Variants in SH3BGR observed in about 807,000 individuals in gnomAD.
The protein encoded by SH3BGR is SH3 domain-binding glutamic acid-rich protein.
Under a neutral mutation model 24.5 loss-of-function variants are expected in SH3BGR, and 29 were observed. The observed-to-expected ratio is 1.18, with a 90% confidence interval of 0.88 to 1.61. The LOEUF (loss-of-function observed/expected upper bound fraction) is 1.61. Ranked by LOEUF, SH3BGR falls within the 40% of genes most tolerant of loss-of-function variation. SH3BGR has a pLI of 0.00. For missense variants in SH3BGR, 162 were observed against 205.8 expected (o/e 0.79, Z 1.30); for synonymous variants, 55 against 65.7 (o/e 0.84, Z 0.79).
In SH3BGR at chr21:39,479,224, GGGTGGTGGTGGT is replaced by G. The variant is rs973677506; in HGVS notation, c.312+4032_312+4043del. On this transcript the variant is annotated intron_variant, in intron 3 of 6. Coordinates refer to ENST00000333634, the MANE Select transcript of SH3BGR (RefSeq NM_007341.3). ...GTGGTGGTGGTGGTGGAGGTGGTAA[GGGTGGTGGTGGT>G]GGTGGTGGTGGTGGTGGTGGTGATG... is the stretch of plus-strand genomic sequence containing the variant. Among the ~76,000 whole-genome samples, 493 of 137,684 alleles carry G rather than the reference GGGTGGTGGTGGT, an allele frequency of 3.6e-3. 5 individuals carry two copies. Among genetic ancestry groups the G allele is most frequent in the African/African-American group, 0.015 (455 of 30,790 alleles). 90.3% of individuals were successfully genotyped at this position (137,684 alleles called of 152,430 possible).
intron 2 of SH3BGR, among the ~76,000 whole-genome samples, chr21:39,473,542 G>A (rs2077976079): frequency 6.6e-6 from 1 of 152,100 alleles, no homozygotes; most frequent in Admixed American, 6.5e-5. Context: ...ATTAATCACT[G>A]AGAGACTTGA....
intron 1 of SH3BGR, among the ~76,000 whole-genome samples, chr21:39,458,845 C>G (rs1217772805): frequency 6.6e-6 from 1 of 151,946 alleles, no homozygotes; most frequent in Non-Finnish European, 1.5e-5. Flanking sequence ...CGAGGTTTTA[C>G]CATGTTGGCC....
At chr21:39,496,297 G>A (rs911164700) in intron 3 of SH3BGR, among the ~76,000 whole-genome samples, 2 of 151,832 alleles carry the variant, frequency 1.3e-5, no homozygotes, top group Admixed American at 6.6e-5. Flanking sequence ...TCAGGAGATC[G>A]AGACCATCCT....
chr21:39,511,629 A>T lies in SH3BGR; in HGVS notation c.436-51A>T. ...CATTTTACAGTCTTTTTCTCACTGT[A>T]TCCTTGGCCCTTATGCTTCTTAATA... On this transcript the variant is annotated intron_variant, in intron 5 of 6. Coordinates refer to ENST00000333634, the MANE Select transcript of SH3BGR (RefSeq NM_007341.3). The surrounding 1 kb of genome is among the most constrained non-coding windows in gnomAD (Gnocchi z 4.2). 1 of 1,584,026 alleles carries T rather than the reference A, an allele frequency of 6.3e-7. No homozygotes were observed. The highest frequency in any genetic ancestry group is 1.1e-5 in the South Asian group (1 of 87,250).
At chr21:39,487,384 C>T (rs998067490) in intron 3 of SH3BGR, among the ~76,000 whole-genome samples, 1 of 152,138 alleles carries the variant, frequency 6.6e-6, no homozygotes, top group African/African-American at 2.4e-5. Flanking sequence ...CTCAAGTGAT[C>T]CTCCCACCCC....
intron 1 of SH3BGR, among the ~76,000 whole-genome samples, chr21:39,458,504 ATTT>A (rs1214278072): frequency 6.6e-6 from 1 of 151,560 alleles, no homozygotes; most frequent in African/African-American, 2.4e-5. Flanking sequence ...CACCCAGCTA[ATTT>A]TTGTATTTTT....
At chr21:39,510,638 T>C (rs1388092548) in intron 5 of SH3BGR, among the ~76,000 whole-genome samples, 1 of 152,064 alleles carries the variant, frequency 6.6e-6, no homozygotes, top group East Asian at 1.9e-4. Flanking sequence ...TTCTAGTATA[T>C]TCTACACCAT....
intron 4 of SH3BGR, among the ~76,000 whole-genome samples, chr21:39,505,332 C>T (rs997440133): frequency 2.6e-5 from 4 of 152,164 alleles, no homozygotes; most frequent in African/African-American, 9.7e-5. Context: ...TGGTAATACC[C>T]AAAGTTCTTC....
At chr21:39,457,870 A>G (rs2077688479) in intron 1 of SH3BGR, among the ~76,000 whole-genome samples, 1 of 152,054 alleles carries the variant, frequency 6.6e-6, no homozygotes, top group East Asian at 1.9e-4. Flanking sequence ...GACTGCAGTG[A>G]GCCAAGATCG....
chr21:39,506,102 T>C (rs1038293001), intron 4 of SH3BGR, among the ~76,000 whole-genome samples: 1 of 152,204 alleles, frequency 6.6e-6, no homozygotes, highest in South Asian at 2.1e-4. Flanking sequence ...TTTATCGAGC[T>C]TGCCTGTTGG....
upstream of SH3BGR, chr21:39,451,889 AT>A: frequency 1.2e-6 from 2 of 1,612,354 alleles, no homozygotes; most frequent in South Asian, 2.2e-5. Context: ...TCCTGGGCCA[AT>A]GGAGGGAGGA....
chr21:39,495,478 G>T (rs1035342632), intron 3 of SH3BGR, among the ~76,000 whole-genome samples: 1 of 146,188 alleles, frequency 6.8e-6, no homozygotes. Flanking sequence ...GAGGGTAAAA[G>T]TCTCTTTTTT....
rs111370739 is a variant in SH3BGR, at chr21:39,507,407, C to T, written c.406-1591C>T. On this transcript the variant is annotated intron_variant, in intron 4 of 6. Transcript: ENST00000333634. ...GGAGTGCAGTGGCGCAATCTTGACT[C>T]ACCGCAACCTCCGCCTCCTGGGTTC... 3.3e-3 allele frequency among the ~76,000 whole-genome samples: 507 copies of T among 152,302 alleles called. 4 individuals carry two copies. The highest frequency in any genetic ancestry group is 0.012 in the African/African-American group (481 of 41,566).
At chr21:39,452,594 G>C (rs989990331) in intron 1 of SH3BGR, among the ~76,000 whole-genome samples, 8 of 152,328 alleles carry the variant, frequency 5.3e-5, no homozygotes, top group African/African-American at 1.7e-4. Context: ...GCCATGTAAT[G>C]ATGTAACCAT....
intron 3 of SH3BGR, among the ~76,000 whole-genome samples, chr21:39,487,720 A>G (rs2078233928): frequency 6.6e-6 from 1 of 152,212 alleles, no homozygotes; most frequent in Non-Finnish European, 1.5e-5. Context: ...GGATCATGTA[A>G]CTTTTGGCCA....
intron 1 of SH3BGR, among the ~76,000 whole-genome samples, chr21:39,456,739 C>T (rs548787673): frequency 3.8e-4 from 58 of 152,236 alleles, no homozygotes; most frequent in Non-Finnish European, 3.5e-4. Context: ...GTCCATATGC[C>T]AGAAGTTTAA....
In SH3BGR at chr21:39,452,151, T is replaced by C. The variant is rs780267528; in HGVS notation, c.45+10T>C. The C allele has an allele frequency of 3.1e-6, 5 of 1,614,178 alleles. No homozygotes were observed. In the South Asian group the frequency reaches 5.5e-5, roughly 18 times the overall value. The stretch of plus-strand genomic sequence containing the variant: ...TTCTGGGTCCATAGCGGTAGGTGTC[T>C]GGTGGACTCTTTCTTCCTATACTCT... On this transcript the variant is annotated intron_variant, in intron 1 of 6. Coordinates refer to ENST00000333634, the MANE Select transcript of SH3BGR (RefSeq NM_007341.3).
intron 3 of SH3BGR, among the ~76,000 whole-genome samples, chr21:39,485,946 C>G (rs1248503998): frequency 6.6e-6 from 1 of 152,176 alleles, no homozygotes; most frequent in Non-Finnish European, 1.5e-5. Context: ...CCTCGGCCTC[C>G]CAAAGTGCTG....
chr21:39,479,229 G>GTGGTGGTGA (rs1555912277), intron 3 of SH3BGR, among the ~76,000 whole-genome samples: 1 of 142,020 alleles, frequency 7.0e-6, no homozygotes, highest in South Asian at 2.2e-4. Context: ...GGTAAGGGTG[G>GTGGTGGTGA]TGGTGGTGGT....
Sources: allele counts gnomAD v4.1 joint callset (sites outside exome capture counted in the v4.1 genomes callset), GRCh38; gene constraint gnomAD v4.1.1; non-coding constraint Gnocchi (gnomAD v3.1); transcripts MANE v1.5; gene names NCBI Gene and HGNC (gene_info 2026-07-23, HGNC 2026-07-21).